NUDT19: variants seen among roughly 807,000 people sequenced by gnomAD.
NUDT19 encodes the protein nudix hydrolase 19, also known as acyl-coenzyme A diphosphatase NUDT19.
A neutral mutation model predicts 22.2 loss-of-function variants in NUDT19; 31 were observed. That is an observed-to-expected ratio of 1.40 (90% CI 1.05 to 1.89). The LOEUF (loss-of-function observed/expected upper bound fraction) is 1.89. NUDT19 is among the 40% of genes most tolerant of loss of function. NUDT19 has a pLI of 0.00. For synonymous variants in NUDT19, 325 were observed against 230.8 expected, an observed-to-expected ratio of 1.41 and a Z score of -3.70; for missense variants, 752 against 514.2, an observed-to-expected ratio of 1.46 and a Z score of -4.47.
Position 32,713,173 on chromosome 19 carries a change from A to AT in NUDT19, c.*1221dup, listed in dbSNP as rs1274279617. 1 of 151,928 alleles carries AT rather than the reference A, an allele frequency of 6.6e-6. No homozygotes were observed. Among genetic ancestry groups the AT allele is most frequent in the Non-Finnish European group, 1.5e-5 (1 of 67,984 alleles). 9.4% of individuals were successfully genotyped at this position (151,928 alleles called of 1,614,324 possible). Reference sequence around the variant, plus strand: ...TATTTTATTTTATTCTATTTTATTTATTTTTGAGACAGAGTCTCGCTCTGT... The same window carrying AT: ...TATTTTATTTTATTCTATTTTATTTATTTTTTGAGACAGAGTCTCGCTCTGT... On this transcript the variant is annotated 3_prime_UTR_variant, in exon 3 of 3. Transcript: ENST00000397061.
intron 1 of NUDT19, among the ~76,000 whole-genome samples, chr19:32,694,210 G>A (rs1045870996): frequency 1.3e-5 from 2 of 152,208 alleles, no homozygotes; most frequent in Non-Finnish European, 2.9e-5. Context: ...CAACTCCAGA[G>A]GTTGGTATAA....
At chr19:32,695,578 T>C (rs1386227238) in intron 1 of NUDT19, among the ~76,000 whole-genome samples, 2 of 152,250 alleles carry the variant, frequency 1.3e-5, no homozygotes, top group African/African-American at 4.8e-5. Context: ...TCCTTCTGTC[T>C]TTGACTTTGC....
chr19:32,694,959 T>C (rs1968246397), intron 1 of NUDT19, among the ~76,000 whole-genome samples: 1 of 152,228 alleles, frequency 6.6e-6, no homozygotes, highest in South Asian at 2.1e-4. Context: ...ACATCTATCA[T>C]CCTGTCCTGA....
intron 1 of NUDT19, among the ~76,000 whole-genome samples, chr19:32,704,215 T>C (rs1248293529): frequency 1.3e-5 from 2 of 152,198 alleles, no homozygotes; most frequent in Admixed American, 1.3e-4. Context: ...CCTTATTTGC[T>C]AGTTTGCATA....
chr19:32,711,822 A>G lies in NUDT19; in HGVS notation c.993A>G (p.Glu331=). The G allele has an allele frequency of 6.2e-7, 1 of 1,613,886 alleles. No individual in the cohort carries two copies. The highest frequency in any genetic ancestry group is 8.5e-7 in the Non-Finnish European group (1 of 1,179,778). Reference sequence around the variant, plus strand: ...TGTCTACTGAAAAAAAGACTGAGGAAATCATGAAGGAAGGCAAGCAGTTTC... The same window carrying G: ...TGTCTACTGAAAAAAAGACTGAGGAGATCATGAAGGAAGGCAAGCAGTTTC... ...NLMSTEKKTE[E]IMKEGKQFHR... is the part of the protein sequence containing the mutation. Residue 331 remains glutamate, a synonymous_variant, in exon 3 of 3, where the codon GAA becomes GAG. Coordinates refer to ENST00000397061, the MANE Select transcript of NUDT19 (RefSeq NM_001105570.2).
At position 32,692,341 on chromosome 19, in the gene NUDT19, C is replaced by G; in HGVS notation, c.381C>G (p.Cys127Trp). ...TLPEDVAFRI[C>W]AVREAFEEAG... ...CTGAGGACGTAGCCTTCCGCATCTG[C>G]GCCGTGCGGGAGGCCTTTGAGGAGG... is the stretch of plus-strand genomic sequence containing the variant. The change falls in exon 1 of 3, where the codon TGC (cysteine) becomes TGG (tryptophan). Residue 127 changes from cysteine to tryptophan, a missense_variant. Physicochemically the swap from Cys to Trp is radical, Grantham distance 215 (BLOSUM62 -2). Transcript: ENST00000397061. The G allele has an allele frequency of 6.3e-7, 1 of 1,591,178 alleles. No individual in the cohort carries two copies. The highest frequency in any genetic ancestry group is 8.5e-7 in the Non-Finnish European group (1 of 1,176,792).
In NUDT19 at chr19:32,692,061, C is replaced by G. The variant is rs1968188901; in HGVS notation, c.101C>G (p.Ser34Trp). The G allele has an allele frequency of 3.1e-6, 4 of 1,293,244 alleles. No homozygotes were observed. The highest frequency in any genetic ancestry group is 2.9e-6 in the Non-Finnish European group (3 of 1,025,124). The allele number at this position is 1,293,244 out of a possible 1,614,324, so 80.1% of individuals were successfully genotyped here. Residue 34 changes from serine (S) to tryptophan (W), a missense_variant, in exon 1 of 3, where the codon TCG (serine) becomes TGG (tryptophan). Ser to Trp is a radical substitution (Grantham distance 177). Coordinates refer to ENST00000397061, the MANE Select transcript of NUDT19 (RefSeq NM_001105570.2). Reference sequence around the variant, plus strand: ...CGCCCGGAGACCGCCACCCCGCCGTCGCGCCCGCCGCCGGCCGAGGGCTTC... The same window carrying G: ...CGCCCGGAGACCGCCACCCCGCCGTGGCGCCCGCCGCCGGCCGAGGGCTTC... ...WSRPETATPP[S>W]RPPPAEGFRL...
intron 1 of NUDT19, 96 bp from the exon 2 acceptor site, chr19:32,709,089 C>A: frequency 1.2e-6 from 1 of 809,132 alleles, no homozygotes; most frequent in Non-Finnish European, 2.2e-6. Context: ...ATTCATTTTA[C>A]ACATTCAGTT....
intron 1 of NUDT19, among the ~76,000 whole-genome samples, chr19:32,707,711 G>C (rs1029372680): frequency 6.6e-6 from 1 of 152,132 alleles, no homozygotes; most frequent in African/African-American, 2.4e-5. Flanking sequence ...GGGCGCGGTG[G>C]CTCACGCCTG....
chr19:32,699,685 C>T (rs116944570), intron 1 of NUDT19, among the ~76,000 whole-genome samples: 10 of 152,252 alleles, frequency 6.6e-5, no homozygotes, highest in South Asian at 4.1e-4. Flanking sequence ...AGGCACTCAC[C>T]GCTTAGTGAT....
intron 1 of NUDT19, among the ~76,000 whole-genome samples, chr19:32,700,534 T>C (rs1450919690): frequency 6.6e-6 from 1 of 152,168 alleles, no homozygotes; most frequent in African/African-American, 2.4e-5. Context: ...TGGGCTGAAG[T>C]GATTCTCGTC....
At chr19:32,695,951 A>G (rs1968258932) in intron 1 of NUDT19, among the ~76,000 whole-genome samples, 1 of 152,222 alleles carries the variant, frequency 6.6e-6, no homozygotes, top group South Asian at 2.1e-4. Context: ...GTACGGTTAC[A>G]TCACTAACTG....
At chr19:32,706,321 GGA>G (rs762095140) in intron 1 of NUDT19, among the ~76,000 whole-genome samples, 10 of 151,714 alleles carry the variant, frequency 6.6e-5, no homozygotes, top group East Asian at 5.8e-4. Flanking sequence ...TAAGATATTT[GGA>G]GAGAGAGAGA....
chr19:32,695,257 G>A (rs1195218912), intron 1 of NUDT19, among the ~76,000 whole-genome samples: 2 of 152,074 alleles, frequency 1.3e-5, no homozygotes, highest in Non-Finnish European at 2.9e-5. Context: ...TAGGCTCACC[G>A]CAACCTCTGC....
rs1179524604 is a variant in NUDT19 at position 32,702,470 on chromosome 19, AT to A, written c.715-6709del. Among the ~76,000 whole-genome samples the A allele has an allele frequency of 2.4e-3, 372 of 152,170 alleles. 2 individuals are homozygous for A. The highest frequency in any genetic ancestry group is 8.7e-3 in the African/African-American group (362 of 41,508). On this transcript the variant is annotated intron_variant, in intron 1 of 2. Coordinates refer to ENST00000397061, the MANE Select transcript of NUDT19 (RefSeq NM_001105570.2). The stretch of plus-strand genomic sequence containing the variant: ...GAGGGTTTCTGGCTATTATAACTAA[AT>A]TTTTTCCCACCAGCCTGACTGAACC...
intron 1 of NUDT19, among the ~76,000 whole-genome samples, chr19:32,697,918 T>TC (rs1968284079): frequency 6.6e-6 from 1 of 152,042 alleles, no homozygotes; most frequent in African/African-American, 2.4e-5. Context: ...CAAATTCCGC[T>TC]CCCCCTACAG....
rs1599796125 is a variant in NUDT19, at chr19:32,694,884, G to T, written c.714+2210G>T. ...AGGCAATTTTCCTAACTCTGCTTCT[G>T]TAAGAGTTTCCTTATCACGTACTGA... On this transcript the variant is annotated intron_variant, in intron 1 of 2. Coordinates refer to ENST00000397061, the MANE Select transcript of NUDT19 (RefSeq NM_001105570.2). Among the ~76,000 whole-genome samples the T allele has an allele frequency of 2.0e-5, 3 of 152,340 alleles. No homozygotes were observed. The South Asian group carries it at 6.2e-4, about 32-fold the overall frequency.
At chr19:32,693,004 C>T (rs925190700) in intron 1 of NUDT19, among the ~76,000 whole-genome samples, 3 of 151,040 alleles carry the variant, frequency 2.0e-5, no homozygotes, top group South Asian at 2.1e-4. Flanking sequence ...TCTTGGAGAA[C>T]AGACTTAATA....
At chr19:32,694,816 G>C (rs981643634) in intron 1 of NUDT19, among the ~76,000 whole-genome samples, 2 of 152,164 alleles carry the variant, frequency 1.3e-5, no homozygotes, top group Admixed American at 6.5e-5. Flanking sequence ...TTTAAGGTTT[G>C]GCTGAGTGCA....
Sources: gnomAD v4.1 joint callset for allele counts (sites outside exome capture counted in the v4.1 genomes callset) on GRCh38, gnomAD v4.1.1 for gene constraint, MANE v1.5 for transcripts, NCBI Gene and HGNC (gene_info 2026-07-23, HGNC 2026-07-21) for gene names.